NAALADL2: variants seen among roughly 807,000 people sequenced by gnomAD.
NAALADL2 encodes the protein N-acetylated alpha-linked acidic dipeptidase like 2.
A neutral mutation model predicts 87.2 loss-of-function variants in NAALADL2; 76 were observed. The observed-to-expected ratio is 0.87, with a 90% CI of 0.72 to 1.05. The LOEUF is 1.05. NAALADL2 is among the 50% of genes least tolerant of loss of function. The pLI is 0.00. For missense variants in NAALADL2, 1,089 were observed against 945.8 expected (o/e 1.15, Z -1.99); for synonymous variants, 354 against 331.0 (o/e 1.07, Z -0.75).
intron 13 of NAALADL2, among the ~76,000 whole-genome samples, chr3:175,786,446 C>A (rs1305232193): frequency 6.6e-6 from 1 of 152,106 alleles, no homozygotes; most frequent in Non-Finnish European, 1.5e-5. Context: ...TCATTTCATT[C>A]ATTTCATCTT....
At chr3:175,470,132 A>G (rs1465256458) in intron 8 of NAALADL2, among the ~76,000 whole-genome samples, 6 of 152,032 alleles carry the variant, frequency 3.9e-5, no homozygotes, top group Admixed American at 3.3e-4. Context: ...CACAAAAGAG[A>G]TAAGTTTCTT....
At chr3:175,753,281 A>G (rs922823893) in intron 12 of NAALADL2, among the ~76,000 whole-genome samples, 3 of 152,178 alleles carry the variant, frequency 2.0e-5, no homozygotes, top group African/African-American at 7.2e-5. Context: ...GAAAATTAGC[A>G]AAAATGACTA....
intron 2 of NAALADL2, among the ~76,000 whole-genome samples, chr3:174,694,657 T>C (rs1326506993): frequency 6.6e-6 from 1 of 152,080 alleles, no homozygotes; most frequent in Non-Finnish European, 1.5e-5. Flanking sequence ...GTTAATATTC[T>C]TTGGAAAGTA....
intron 2 of NAALADL2, among the ~76,000 whole-genome samples, chr3:174,611,328 AAAAT>A (rs1719851965): frequency 1.3e-5 from 2 of 152,076 alleles, no homozygotes; most frequent in African/African-American, 2.4e-5. Context: ...TAATAAAATA[AAAAT>A]AAATAAAAAA....
chr3:174,975,854 T>C (rs1459467791), intron 1 of NAALADL2, among the ~76,000 whole-genome samples: 2 of 152,192 alleles, frequency 1.3e-5, no homozygotes, highest in Non-Finnish European at 2.9e-5. Context: ...ATTCTGCCAA[T>C]AAGCTGAATG....
At chr3:174,548,591 T>C (rs1653148513) in intron 1 of NAALADL2, among the ~76,000 whole-genome samples, 1 of 152,054 alleles carries the variant, frequency 6.6e-6, no homozygotes, top group East Asian at 1.9e-4. Context: ...CTGGTGACAA[T>C]AAGTAAGGCT....
At position 174,512,124 on chromosome 3, in the gene NAALADL2, TAAG is replaced by T. The variant is rs1193500578; in HGVS notation, c.-183-38442_-183-38440del. The stretch of plus-strand genomic sequence containing the variant: ...TATTTATATAATTTTACATCTACCT[TAAG>T]AACTTGGTTTATCATTTCTGATGTA... On this transcript the variant is annotated intron_variant, in intron 1 of 3. Transcript: ENST00000434257. 5.9e-5 allele frequency among the ~76,000 whole-genome samples: 9 copies of T among 152,294 alleles called. No homozygotes were observed. In the East Asian group the frequency reaches 1.7e-3, roughly 29 times the overall value.
intron 11 of NAALADL2, among the ~76,000 whole-genome samples, chr3:175,699,796 A>G (rs1216029867): frequency 6.6e-6 from 1 of 152,144 alleles, no homozygotes; most frequent in East Asian, 1.9e-4. Context: ...CTTTCTCAGC[A>G]TAGTCATTAT....
chr3:174,897,127 C>T (rs1297027433), intron 1 of NAALADL2, among the ~76,000 whole-genome samples: 2 of 152,042 alleles, frequency 1.3e-5, no homozygotes, highest in African/African-American at 2.4e-5. Flanking sequence ...TTGAGCAATA[C>T]CCCAGAAGCA....
At chr3:174,995,623 A>G (rs1043667882) in intron 1 of NAALADL2, among the ~76,000 whole-genome samples, 1 of 152,158 alleles carries the variant, frequency 6.6e-6, no homozygotes, top group Non-Finnish European at 1.5e-5. Flanking sequence ...GAGTAACGGA[A>G]TTGTTCATAG....
At chr3:174,844,848 T>TC (rs1724419822) in intron 3 of NAALADL2, among the ~76,000 whole-genome samples, 1 of 136,830 alleles carries the variant, frequency 7.3e-6, no homozygotes, top group South Asian at 2.4e-4. Flanking sequence ...TTTTTTTTTT[T>TC]TTTTTTTTTT....
In NAALADL2 at chr3:175,809,573, AC is replaced by A. The variant is rs1392403733; in HGVS notation, c.*6372del. On this transcript the variant is annotated 3_prime_UTR_variant, in exon 14 of 14. Coordinates refer to ENST00000454872, the MANE Select transcript of NAALADL2 (RefSeq NM_207015.3). Reference sequence around the variant, plus strand: ...AAAGTAGCTAGGCATGTTGGTGTGCACCTTTGTAGTCCAGCTACTAGGGAGG... The same window carrying A: ...AAAGTAGCTAGGCATGTTGGTGTGCACTTTGTAGTCCAGCTACTAGGGAGG... 1 of 148,030 alleles carries A rather than the reference AC, an allele frequency of 6.8e-6. No homozygotes were observed. The highest frequency in any genetic ancestry group is 2.5e-5 in the African/African-American group (1 of 40,406). 9.2% of individuals were successfully genotyped at this position (148,030 alleles called of 1,614,324 possible). A position where few individuals can be genotyped will look rare whatever the true frequency, so the allele number is the denominator to read the frequency against.
intron 3 of NAALADL2, among the ~76,000 whole-genome samples, chr3:174,800,000 C>G (rs1718625951): frequency 6.6e-6 from 1 of 152,110 alleles, no homozygotes; most frequent in Non-Finnish European, 1.5e-5. Context: ...TATAGGGTAT[C>G]TGGCAGAAGA....
At chr3:174,634,589 C>T (rs1722450768) in intron 2 of NAALADL2, among the ~76,000 whole-genome samples, 1 of 152,084 alleles carries the variant, frequency 6.6e-6, no homozygotes, top group Admixed American at 6.5e-5. Context: ...GTAGTCATGA[C>T]AGATCCCCAT....
At chr3:175,605,640 G>GTTTTTTTTTTT (rs751433758) in intron 10 of NAALADL2, among the ~76,000 whole-genome samples, 12 of 36,662 alleles carry the variant, frequency 3.3e-4, no homozygotes, top group Admixed American at 6.7e-4. Flanking sequence ...TATATTGCTT[G>GTTTTTTTTTTT]TTTTTTTTTT....
chr3:175,636,350 A>C (rs768774745), intron 11 of NAALADL2, among the ~76,000 whole-genome samples: 1 of 152,144 alleles, frequency 6.6e-6, no homozygotes, highest in South Asian at 2.1e-4. Flanking sequence ...ATCTGGATCT[A>C]AAATACTCAT....
At chr3:175,589,066 G>T (rs1273513222) in intron 10 of NAALADL2, among the ~76,000 whole-genome samples, 3 of 152,136 alleles carry the variant, frequency 2.0e-5, no homozygotes, top group Non-Finnish European at 4.4e-5. Flanking sequence ...AGGATCATTA[G>T]AATTTATGTG....
rs747644710 is a variant in NAALADL2, at chr3:175,576,064, A to C, written c.1677A>C (p.Arg559Ser). 3.1e-6 allele frequency: 5 copies of C among 1,612,138 alleles called. No individual in the cohort carries two copies. The East Asian group carries it at 8.9e-5, about 29-fold the overall frequency. ...VVEKNNFNCT[R>S]RAQCPETNIS... ...AGAAAAATAATTTCAACTGTACCAG[A>C]AGAGCCCAGTGCCCAGAAACCAATA... The change falls in exon 10 of 14, where the codon AGA (arginine) becomes AGC (serine). Residue 559 changes from arginine to serine, a missense_variant. By Grantham distance (110) the Arg-to-Ser change is moderately radical (BLOSUM62 -1). Transcript: ENST00000454872.
intron 12 of NAALADL2, among the ~76,000 whole-genome samples, chr3:175,742,764 G>A (rs539730923): frequency 7.6e-4 from 115 of 152,204 alleles, no homozygotes; most frequent in African/African-American, 2.5e-3. Flanking sequence ...AGAGGGAAAT[G>A]TATGTATTTT....
Sources: gnomAD v4.1 joint callset for allele counts (sites outside exome capture counted in the v4.1 genomes callset) on GRCh38, gnomAD v4.1.1 for gene constraint, MANE v1.5 for transcripts, NCBI Gene and HGNC (gene_info 2026-07-23, HGNC 2026-07-21) for gene names.